The following PRKCE variants were observed in gnomAD, a reference collection of about 807,000 sequenced individuals.
The protein encoded by PRKCE is protein kinase C epsilon.
In PRKCE, 16 loss-of-function variants were observed where a neutral mutation model predicts 85.4. That is an observed-to-expected ratio of 0.19 (90% CI 0.13 to 0.28). The LOEUF (loss-of-function observed/expected upper bound fraction) is 0.28. Among genes scored for constraint, PRKCE ranks in the 10% least tolerant of loss-of-function variants. PRKCE has a pLI of 1.00. For missense variants in PRKCE, 573 were observed against 975.2 expected, an observed-to-expected ratio of 0.59 and a Z score of 5.49; for synonymous variants, 388 against 371.5, an observed-to-expected ratio of 1.04 and a Z score of -0.51.
chr2:46,097,930 C>T (rs1479839395), intron 11 of PRKCE, among the ~76,000 whole-genome samples: 1 of 152,184 alleles, frequency 6.6e-6, no homozygotes, highest in African/African-American at 2.4e-5. Context: ...AGAGCCTGAG[C>T]TGGCTGGGAT....
At chr2:45,942,494 C>G (rs1699955548) in intron 2 of PRKCE, among the ~76,000 whole-genome samples, 1 of 152,146 alleles carries the variant, frequency 6.6e-6, no homozygotes, top group Non-Finnish European at 1.5e-5. Flanking sequence ...TGTGACATGT[C>G]ATATATGAGG....
At chr2:46,093,593 A>G (rs925861240) in intron 11 of PRKCE, among the ~76,000 whole-genome samples, 1 of 150,330 alleles carries the variant, frequency 6.7e-6, no homozygotes, top group Admixed American at 6.6e-5. Context: ...CAGTGTTACA[A>G]TGATAGCTCA....
Position 45,652,682 on chromosome 2 carries a change from C to T in PRKCE, c.348+234C>T, listed in dbSNP as rs1285758991. ...TGGCCCTCTGCTCCCTCTGTGCCCTCCAGTTGGTGGGTGCTGCGGGAGGTT... is the reference window on the plus strand; with the variant it reads ...TGGCCCTCTGCTCCCTCTGTGCCCTTCAGTTGGTGGGTGCTGCGGGAGGTT... On this transcript the variant is annotated intron_variant, in intron 1 of 14. Transcript: ENST00000306156. The surrounding 1 kb of genome is among the most constrained non-coding windows in gnomAD (Gnocchi z 7.7). Among the ~76,000 whole-genome samples the T allele has an allele frequency of 6.6e-6, 1 of 152,194 alleles. No homozygotes were observed. The highest frequency in any genetic ancestry group is 1.5e-5 in the Non-Finnish European group (1 of 68,028).
At chr2:46,031,353 C>T (rs1282018861) in intron 10 of PRKCE, among the ~76,000 whole-genome samples, 1 of 152,176 alleles carries the variant, frequency 6.6e-6, no homozygotes. Flanking sequence ...TGAGATGCCC[C>T]AGCCATGCCC....
Position 45,702,007 on chromosome 2 carries a change from G to A in PRKCE, c.348+49559G>A, listed in dbSNP as rs554007005. ...AGTTTGAGACCAGCCTGACCAACAT[G>A]GTGAAACCTCTTCTCTACTCAAAAT... On this transcript the variant is annotated intron_variant, in intron 1 of 14. Coordinates refer to ENST00000306156, the MANE Select transcript of PRKCE (RefSeq NM_005400.3). Among the ~76,000 whole-genome samples, 29 of 152,204 alleles carry A rather than the reference G, an allele frequency of 1.9e-4. 2 individuals carry two copies. The South Asian group carries it at 5.8e-3, about 30-fold the overall frequency.
At chr2:45,874,405 T>A (rs1229004653) in intron 2 of PRKCE, among the ~76,000 whole-genome samples, 1 of 152,218 alleles carries the variant, frequency 6.6e-6, no homozygotes, top group Non-Finnish European at 1.5e-5. Context: ...CCGGCCATCC[T>A]CAGGCTGAGG....
At chr2:45,684,533 A>T (rs117167736) in intron 1 of PRKCE, among the ~76,000 whole-genome samples, 7 of 152,248 alleles carry the variant, frequency 4.6e-5, no homozygotes, top group Admixed American at 4.6e-4. Context: ...GAGGCATTTG[A>T]TCTATGTTAA....
intron 1 of PRKCE, among the ~76,000 whole-genome samples, chr2:45,759,538 C>T (rs374293176): frequency 2.0e-5 from 3 of 152,326 alleles, no homozygotes; most frequent in Non-Finnish European, 2.9e-5. Context: ...GCAAGGGCTG[C>T]GGTGGCTGGG....
chr2:45,769,226 C>T (rs1239134142), intron 1 of PRKCE, among the ~76,000 whole-genome samples: 1 of 152,164 alleles, frequency 6.6e-6, no homozygotes, highest in East Asian at 1.9e-4. Flanking sequence ...TGACAAAAGT[C>T]TTTTCATCCT....
chr2:45,666,879 C>T (rs1675936964), intron 1 of PRKCE, among the ~76,000 whole-genome samples: 1 of 152,170 alleles, frequency 6.6e-6, no homozygotes, highest in Admixed American at 6.5e-5. Flanking sequence ...CTTCCTCTGT[C>T]ACCCAGGCTA....
chr2:45,960,288 G>A (rs114482145), intron 2 of PRKCE, among the ~76,000 whole-genome samples: 172 of 152,254 alleles, frequency 1.1e-3, no homozygotes, highest in African/African-American at 3.8e-3. Flanking sequence ...TCTTAGTGCC[G>A]GTTTCCTCAT....
chr2:45,886,151 A>G (rs1170620909), intron 2 of PRKCE, among the ~76,000 whole-genome samples: 2 of 152,172 alleles, frequency 1.3e-5, no homozygotes, highest in East Asian at 1.9e-4. Flanking sequence ...CTTGCTTCAC[A>G]TGCTGGACCA....
chr2:45,664,386 G>C (rs1675816857), intron 1 of PRKCE, among the ~76,000 whole-genome samples: 1 of 152,344 alleles, frequency 6.6e-6, no homozygotes, highest in South Asian at 2.1e-4. Flanking sequence ...CTTATAGCAA[G>C]TTTGCGATCA....
chr2:46,021,012 G>A (rs969392204), intron 10 of PRKCE, among the ~76,000 whole-genome samples: 9 of 152,160 alleles, frequency 5.9e-5, no homozygotes, highest in South Asian at 2.1e-4. Flanking sequence ...ACGATCACAC[G>A]GAGTTAAGTG....
chr2:45,951,004 C>T (rs59059541), intron 2 of PRKCE, among the ~76,000 whole-genome samples: 8,374 of 152,228 alleles, frequency 0.055, 278 homozygotes, highest in East Asian at 0.15. Context: ...AAATAGTGTC[C>T]TTGTACATCC....
At chr2:45,723,381 C>A (rs75989909) in intron 1 of PRKCE, among the ~76,000 whole-genome samples, 20,201 of 152,154 alleles carry the variant, frequency 0.13, 1,505 homozygotes, top group Non-Finnish European at 0.16. Context: ...CAGGAGGCTT[C>A]CAGGGCCTGA....
intron 2 of PRKCE, among the ~76,000 whole-genome samples, chr2:45,956,111 T>G (rs1015874601): frequency 1.3e-4 from 20 of 152,236 alleles, no homozygotes; most frequent in African/African-American, 4.1e-4. Context: ...ATGGTGCATT[T>G]GAGATTTATT....
chr2:46,082,137 A>G (rs1669141121), intron 10 of PRKCE, among the ~76,000 whole-genome samples: 2 of 152,076 alleles, frequency 1.3e-5, no homozygotes, highest in Admixed American at 1.3e-4. Context: ...GTGGGTTACA[A>G]GCAGATTTCT....
chr2:45,873,043 A>G (rs1282484539), intron 2 of PRKCE, among the ~76,000 whole-genome samples: 1 of 152,234 alleles, frequency 6.6e-6, no homozygotes, highest in Non-Finnish European at 1.5e-5. Flanking sequence ...AGTCAGCTGG[A>G]AAGTCTGAAC....
Sources: allele counts gnomAD v4.1 joint callset (sites outside exome capture counted in the v4.1 genomes callset), GRCh38; gene constraint gnomAD v4.1.1; non-coding constraint Gnocchi (gnomAD v3.1); transcripts MANE v1.5; gene names NCBI Gene and HGNC (gene_info 2026-07-23, HGNC 2026-07-21).